The following CACNA1B variants were observed in gnomAD, a reference collection of about 807,000 sequenced individuals.
CACNA1B encodes the protein calcium voltage-gated channel subunit alpha1 B, also known as voltage-dependent N-type calcium channel subunit alpha-1B.
A neutral mutation model predicts 247.2 loss-of-function variants in CACNA1B; 70 were observed. That is an observed-to-expected ratio of 0.28 (90% CI 0.23 to 0.35). The LOEUF (loss-of-function observed/expected upper bound fraction) is 0.35. Ranked by LOEUF, CACNA1B falls within the 10% of genes least tolerant of loss-of-function variation. The probability of loss-of-function intolerance (pLI) is 1.00; values close to 1 mark genes in which losing one functional copy is unlikely to be tolerated. For synonymous variants in CACNA1B, 1,231 were observed against 1,294.4 expected, an observed-to-expected ratio of 0.95 and a Z score of 1.05; for missense variants, 2,367 against 3,197.4, an observed-to-expected ratio of 0.74 and a Z score of 6.26.
At position 137,974,627 on chromosome 9, in the gene CACNA1B, T is replaced by C. The variant is rs991641502; in HGVS notation, c.1544-1280T>C. On this transcript the variant is annotated intron_variant, in intron 11 of 46. Transcript: ENST00000371372. This position sits in a 1 kb window ranked among gnomAD's most constrained non-coding sequence, Gnocchi z 4.5. ...GCAGCACAGCCCTTGGTGGAGGAGATTTTAGGAGCATAGGGGTGGGAAGAG... is the reference window on the plus strand; with the variant it reads ...GCAGCACAGCCCTTGGTGGAGGAGACTTTAGGAGCATAGGGGTGGGAAGAG... 6.6e-6 allele frequency among the ~76,000 whole-genome samples: 1 copy of C among 152,000 alleles called. No homozygotes were observed. The highest frequency in any genetic ancestry group is 1.5e-5 in the Non-Finnish European group (1 of 67,970).
intron 15 of CACNA1B, among the ~76,000 whole-genome samples, chr9:137,996,350 T>C (rs1354843657): frequency 6.6e-6 from 1 of 152,220 alleles, no homozygotes; most frequent in Non-Finnish European, 1.5e-5. Flanking sequence ...AGTGAAATAA[T>C]GGCATTTGCA....
intron 10 of CACNA1B, among the ~76,000 whole-genome samples, chr9:137,964,419 C>T (rs533290336): frequency 1.3e-5 from 2 of 152,220 alleles, no homozygotes; most frequent in African/African-American, 4.8e-5. Flanking sequence ...TTTTTGTCTG[C>T]CTGTCTTATT....
chr9:138,042,088 C>T (rs1589087997), intron 20 of CACNA1B, among the ~76,000 whole-genome samples: 1 of 152,106 alleles, frequency 6.6e-6, no homozygotes, highest in Admixed American at 6.6e-5. Flanking sequence ...GTTTAATATC[C>T]ATAGTATGGT....
intron 3 of CACNA1B, among the ~76,000 whole-genome samples, chr9:137,885,473 T>G (rs1335276379): frequency 6.7e-6 from 1 of 149,864 alleles, no homozygotes; most frequent in Non-Finnish European, 1.5e-5. Flanking sequence ...TAATTAGAGT[T>G]GATTTAATTG....
intron 23 of CACNA1B, among the ~76,000 whole-genome samples, chr9:138,048,452 C>T (rs1959202084): frequency 6.6e-6 from 1 of 152,204 alleles, no homozygotes; most frequent in African/African-American, 2.4e-5. Flanking sequence ...GGCAGGATCT[C>T]AGCCGGTCAC....
intron 12 of CACNA1B, among the ~76,000 whole-genome samples, chr9:137,980,333 T>C (rs1958279726): frequency 1.3e-5 from 2 of 152,212 alleles, no homozygotes; most frequent in Admixed American, 6.5e-5. Flanking sequence ...CTCCAGTGTC[T>C]TAGAGAAGTT....
chr9:138,023,147 A>C lies in CACNA1B; in HGVS notation c.2404A>C (p.Thr802Pro). 1 of 1,536,330 alleles carries C rather than the reference A, an allele frequency of 6.5e-7. No homozygotes were observed. Among genetic ancestry groups the C allele is most frequent in the Non-Finnish European group, 8.7e-7 (1 of 1,149,338 alleles). ...CGAGGAGCGGCTGCGCTTCGCCACT[A>C]CGCGCCACCTGCGGCCCGACATGAA... Reference protein sequence around the residue: ...DPEERLRFATTRHLRPDMKTH... With the variant: ...DPEERLRFATPRHLRPDMKTH... Residue 802 changes from threonine (T) to proline (P), a missense_variant, in exon 19 of 47, where the codon ACG becomes CCG. Transcript: ENST00000371372.
chr9:138,006,960 C>A, intron 16 of CACNA1B, 76 bp downstream of exon 16: 1 of 760,682 alleles, frequency 1.3e-6, no homozygotes. Flanking sequence ...CACGCGGATC[C>A]CTCCAGGAGG....
At chr9:138,074,285 G>A (rs1389467954) in intron 34 of CACNA1B, among the ~76,000 whole-genome samples, 3 of 149,740 alleles carry the variant, frequency 2.0e-5, no homozygotes, top group African/African-American at 2.5e-5. Context: ...TTGTCACCCC[G>A]GCTGGAGTGC....
intron 6 of CACNA1B, among the ~76,000 whole-genome samples, chr9:137,943,495 C>A (rs571812685): frequency 1.1e-4 from 17 of 152,314 alleles, no homozygotes; most frequent in Admixed American, 3.9e-4. Flanking sequence ...AGAACCTTCA[C>A]AACTTCATTG....
At chr9:138,047,309 G>A (rs1397750021) in intron 22 of CACNA1B, 90 bp from the exon 23 acceptor site, 2 of 980,342 alleles carry the variant, frequency 2.0e-6, no homozygotes, top group African/African-American at 3.2e-5. Context: ...TGACTGCTCA[G>A]AGGCCTGGAG....
In CACNA1B at chr9:138,014,592, T is replaced by A. The variant is rs991674565; in HGVS notation, c.2267+1357T>A. ...TAGTTATTTAGTCCACTTAGTTTGG[T>A]TACTTGGTCCAGGGGTTTGCTACCA... On this transcript the variant is annotated intron_variant, in intron 18 of 46. Transcript: ENST00000371372. The surrounding 1 kb of genome is among the most constrained non-coding windows in gnomAD (Gnocchi z 6.2). Among the ~76,000 whole-genome samples, 3 of 152,198 alleles carry A rather than the reference T, an allele frequency of 2.0e-5. No homozygotes were observed. Among genetic ancestry groups the A allele is most frequent in the Non-Finnish European group, 4.4e-5 (3 of 68,026 alleles).
In CACNA1B at chr9:138,121,417, C is replaced by CTTTTTT; in HGVS notation, c.6490-39_6490-34dup. ...TGATGTGCTCTGTCTGTTGGTTCGG[C>CTTTTTT]TTTTTTTTTTTTTTTTTTACCTCTG... On this transcript the variant is annotated intron_variant, in intron 46 of 46. Transcript: ENST00000371372. The surrounding 1 kb of genome is among the most constrained non-coding windows in gnomAD (Gnocchi z 6.8). 1 of 866,150 alleles carries CTTTTTT rather than the reference C, an allele frequency of 1.2e-6. No homozygotes were observed. Among genetic ancestry groups the CTTTTTT allele is most frequent in the Non-Finnish European group, 1.6e-6 (1 of 616,908 alleles). 53.7% of individuals were successfully genotyped at this position (866,150 alleles called of 1,614,324 possible). A position where few individuals can be genotyped will look rare whatever the true frequency, so the allele number is the denominator to read the frequency against.
intron 11 of CACNA1B, among the ~76,000 whole-genome samples, chr9:137,972,212 G>A (rs1029238678): frequency 1.3e-5 from 2 of 148,170 alleles, no homozygotes; most frequent in South Asian, 2.1e-4. Context: ...TCACAGCCTC[G>A]GACTCTCTGT....
intron 6 of CACNA1B, among the ~76,000 whole-genome samples, chr9:137,922,639 G>A (rs1271799060): frequency 6.6e-6 from 1 of 152,220 alleles, no homozygotes; most frequent in East Asian, 1.9e-4. Context: ...GAGCAGAGCA[G>A]TGGGAAGTAA....
chr9:138,041,750 G>GTTAA (rs1959125967), intron 20 of CACNA1B, among the ~76,000 whole-genome samples: 1 of 151,948 alleles, frequency 6.6e-6, no homozygotes, highest in African/African-American at 2.4e-5. Context: ...ATTTACTTAA[G>GTTAA]TTAATTAATT....
Position 138,121,594 on chromosome 9 carries a change from G to T in CACNA1B, c.6615G>T (p.Thr2205=). 1 of 1,612,542 alleles carries T rather than the reference G, an allele frequency of 6.2e-7. No individual in the cohort carries two copies. The highest frequency in any genetic ancestry group is 8.5e-7 in the Non-Finnish European group (1 of 1,179,250). ...CCCGCCCCAGCATCACCTACAAGAC[G>T]GCCAACTCCTCACCCATCCACTTCG... ...LTPRPSITYK[T]ANSSPIHFAG... is the part of the protein sequence containing the mutation. Residue 2205 remains threonine (T), a synonymous_variant, in exon 47 of 47, where the codon ACG becomes ACT. Coordinates refer to ENST00000371372, the MANE Select transcript of CACNA1B (RefSeq NM_000718.4). The surrounding 1 kb of genome is among the most constrained non-coding windows in gnomAD (Gnocchi z 6.8).
At chr9:138,032,812 C>T in intron 20 of CACNA1B, 2 of 383,486 alleles carry the variant, frequency 5.2e-6, no homozygotes, top group Non-Finnish European at 1.0e-5. Flanking sequence ...AGATTTTTTT[C>T]CTTGTCTTTA....
At chr9:137,953,635 A>G (rs1957905062) in intron 7 of CACNA1B, among the ~76,000 whole-genome samples, 1 of 152,124 alleles carries the variant, frequency 6.6e-6, no homozygotes, top group Admixed American at 6.5e-5. Flanking sequence ...TGGAGGAGGC[A>G]CCGGGGGAGG....
Sources: allele counts gnomAD v4.1 joint callset (sites outside exome capture counted in the v4.1 genomes callset), GRCh38; gene constraint gnomAD v4.1.1; non-coding constraint Gnocchi (gnomAD v3.1); transcripts MANE v1.5; gene names NCBI Gene and HGNC (gene_info 2026-07-23, HGNC 2026-07-21).